The following RUFY4 variants were observed in gnomAD, a reference collection of about 807,000 sequenced individuals.
RUFY4 encodes RUN and FYVE domain containing 4.
Under a neutral mutation model 69.0 loss-of-function variants are expected in RUFY4, and 73 were observed. That is an observed-to-expected ratio of 1.06 (90% CI 0.88 to 1.29). The LOEUF (loss-of-function observed/expected upper bound fraction) is 1.29, where lower values mean the gene tolerates loss of function less well. Ranked by LOEUF, RUFY4 falls within the 50% of genes most tolerant of loss-of-function variation. The pLI, the probability that RUFY4 is intolerant of heterozygous loss-of-function variation, is 0.00. For missense variants in RUFY4, 770 were observed against 705.6 expected, an observed-to-expected ratio of 1.09 and a Z score of -1.03; for synonymous variants, 287 against 271.8, an observed-to-expected ratio of 1.06 and a Z score of -0.55.
At chr2:218,061,026 C>T in intron 3 of RUFY4, 2 of 714,508 alleles carry the variant, frequency 2.8e-6, no homozygotes, top group Non-Finnish European at 5.3e-6. Context: ...TAGAATACCA[C>T]CGTAGAAGTT....
chr2:218,066,862 T>C (rs1269606211), upstream of RUFY4, among the ~76,000 whole-genome samples: 2 of 152,252 alleles, frequency 1.3e-5, no homozygotes, highest in Non-Finnish European at 2.9e-5. Context: ...TGACAGATTT[T>C]CCGTTTCCTT....
At chr2:218,042,465 T>G (rs1688716851) in intron 2 of RUFY4, among the ~76,000 whole-genome samples, 1 of 152,174 alleles carries the variant, frequency 6.6e-6, no homozygotes, top group Non-Finnish European at 1.5e-5. Context: ...TCGAGCAAAG[T>G]ATGGTCTTAG....
chr2:218,066,888 C>A (rs1689346258), upstream of RUFY4, among the ~76,000 whole-genome samples: 1 of 152,206 alleles, frequency 6.6e-6, no homozygotes, highest in African/African-American at 2.4e-5. Flanking sequence ...TTCACAAACA[C>A]CACACTGTCT....
At chr2:218,082,363 G>A (rs1162572927) in intron 8 of RUFY4, among the ~76,000 whole-genome samples, 1 of 137,928 alleles carries the variant, frequency 7.3e-6, no homozygotes, top group Non-Finnish European at 1.6e-5. Context: ...CATCCAGCCT[G>A]GGTTCCCAGG....
At chr2:218,089,794 G>GTTT in intron 10 of RUFY4, 158 bp from the exon 13 acceptor site, 1 of 718,336 alleles carries the variant, frequency 1.4e-6, no homozygotes, top group Non-Finnish European at 2.5e-6. Flanking sequence ...TCAGGAGAGG[G>GTTT]GAGACCTCCT....
At chr2:218,090,398 C>A (rs1350109043) in exon 11 of RUFY4, 1 of 250,850 alleles carries the variant, frequency 4.0e-6, no homozygotes, top group African/African-American at 2.2e-5. Flanking sequence ...CTCCTCCACA[C>A]TCCCCACTCA....
chr2:218,046,464 C>G (rs1209430609), intron 2 of RUFY4, among the ~76,000 whole-genome samples: 2 of 152,066 alleles, frequency 1.3e-5, no homozygotes, highest in African/African-American at 2.4e-5. Flanking sequence ...GCTTAACTTT[C>G]GGTTCCTGTC....
intron 3 of RUFY4, among the ~76,000 whole-genome samples, chr2:218,062,958 C>T (rs1035014242): frequency 1.3e-5 from 2 of 152,122 alleles, no homozygotes; most frequent in Admixed American, 6.5e-5. Flanking sequence ...TGCTGGGGAC[C>T]CTCCCTGTCC....
At chr2:218,078,523 A>C (rs1190169395) in intron 8 of RUFY4, among the ~76,000 whole-genome samples, 1 of 152,134 alleles carries the variant, frequency 6.6e-6, no homozygotes, top group Non-Finnish European at 1.5e-5. Flanking sequence ...GGTTAGGGAG[A>C]GCCTGCGAGG....
chr2:218,073,529 C>G (rs1417909306), intron 5 of RUFY4, 143 bp downstream of exon 7: 2 of 1,194,552 alleles, frequency 1.7e-6, no homozygotes, highest in East Asian at 5.1e-5. Flanking sequence ...ATTCTTCTAG[C>G]CCTCGATGCT....
intron 2 of RUFY4, among the ~76,000 whole-genome samples, chr2:218,055,111 A>C (rs769592891): frequency 2.6e-5 from 4 of 152,186 alleles, no homozygotes; most frequent in Non-Finnish European, 5.9e-5. Context: ...AAGAAGATAC[A>C]AGGCGAAGCA....
intron 9 of RUFY4, among the ~76,000 whole-genome samples, chr2:218,086,926 A>C (rs1455923353): frequency 6.6e-6 from 1 of 152,186 alleles, no homozygotes; most frequent in African/African-American, 2.4e-5. Context: ...TAATATGTTA[A>C]AGGCAAGTAA....
chr2:218,040,715 C>T (rs1332840938), intron 2 of RUFY4, among the ~76,000 whole-genome samples: 1 of 152,010 alleles, frequency 6.6e-6, no homozygotes, highest in Admixed American at 6.5e-5. Context: ...AAGATTTTGT[C>T]TTTGGTGAAA....
intron 2 of RUFY4, among the ~76,000 whole-genome samples, chr2:218,058,276 G>A (rs534094071): frequency 5.3e-5 from 8 of 152,102 alleles, no homozygotes; most frequent in African/African-American, 1.4e-4. Flanking sequence ...TTATTTTAAC[G>A]TTTTAAAACA....
chr2:218,067,878 G>A (rs563547847), upstream of RUFY4, among the ~76,000 whole-genome samples: 203 of 152,328 alleles, frequency 1.3e-3, 1 homozygote, highest in Non-Finnish European at 2.5e-3. Context: ...AAAGCTGGCT[G>A]TGTGGGAGGT....
At chr2:218,051,256 G>C (rs2106031451) in intron 2 of RUFY4, among the ~76,000 whole-genome samples, 2 of 152,244 alleles carry the variant, frequency 1.3e-5, no homozygotes, top group South Asian at 4.1e-4. Flanking sequence ...AAACACAAAA[G>C]ATATTTGGGT....
chr2:218,045,649 A>G (rs1352561720), intron 2 of RUFY4, among the ~76,000 whole-genome samples: 1 of 152,148 alleles, frequency 6.6e-6, no homozygotes, highest in African/African-American at 2.4e-5. Context: ...GTTTCATGAA[A>G]CTATCAGTTT....
chr2:218,064,264 C>T (rs1337564335), upstream of RUFY4, among the ~76,000 whole-genome samples: 1 of 152,160 alleles, frequency 6.6e-6, no homozygotes, highest in East Asian at 1.9e-4. Context: ...GTGCCTCCTC[C>T]ACCACCAAGA....
chr2:218,080,469 C>G (rs1346803988), intron 8 of RUFY4, among the ~76,000 whole-genome samples: 1 of 152,182 alleles, frequency 6.6e-6, no homozygotes, highest in Admixed American at 6.5e-5. Context: ...GCTGTGGGCC[C>G]CTGGGGACAG....
Sources: allele counts gnomAD v4.1 joint callset (sites outside exome capture counted in the v4.1 genomes callset), GRCh38; gene constraint gnomAD v4.1.1; transcripts MANE v1.5; gene names NCBI Gene and HGNC (gene_info 2026-07-23, HGNC 2026-07-21).